The following CDH12 variants were observed in gnomAD, a reference collection of about 807,000 sequenced individuals.
CDH12 encodes cadherin 12.
CDH12 carries 41 observed loss-of-function variants against 74.1 expected under a neutral mutation model. That is an observed-to-expected ratio of 0.55 (90% CI 0.43 to 0.72). CDH12 has a LOEUF of 0.72. Ranked by LOEUF, CDH12 falls within the 30% of genes least tolerant of loss-of-function variation. CDH12 has a pLI of 0.00. For missense variants in CDH12, 945 were observed against 977.2 expected (o/e 0.97, Z 0.44); for synonymous variants, 399 against 355.0 (o/e 1.12, Z -1.39).
intron 3 of CDH12, among the ~76,000 whole-genome samples, chr5:22,332,825 G>A (rs748341565): frequency 6.6e-6 from 1 of 152,148 alleles, no homozygotes; most frequent in Non-Finnish European, 1.5e-5. Flanking sequence ...AATAGATGCT[G>A]GTGAGGATGT....
At position 22,575,840 on chromosome 5, in the gene CDH12, C is replaced by T. The variant is rs369103974; in HGVS notation, c.-522-70476G>A. Among the ~76,000 whole-genome samples, 160 of 152,122 alleles carry T rather than the reference C, an allele frequency of 1.1e-3. 2 individuals carry two copies. The South Asian group carries it at 0.031, about 29-fold the overall frequency. On this transcript the variant is annotated intron_variant, in intron 1 of 14. Transcript: ENST00000382254. ...TCAGCCTCCCAAAGTGCTGGGATTA[C>T]AGGCATGAGCCACTGCGCCTGGCCT...
chr5:22,187,047 A>T (rs1393183552), intron 4 of CDH12, among the ~76,000 whole-genome samples: 3 of 152,216 alleles, frequency 2.0e-5, no homozygotes, highest in African/African-American at 7.2e-5. Context: ...TTTATAAAAC[A>T]AAATAGATAT....
chr5:22,512,802 C>A (rs1351375683), intron 1 of CDH12, among the ~76,000 whole-genome samples: 3 of 152,176 alleles, frequency 2.0e-5, no homozygotes, highest in Admixed American at 2.0e-4. Context: ...GTGGCTCACA[C>A]CTGTATTCCC....
At chr5:21,923,331 G>T (rs185710502) in intron 6 of CDH12, among the ~76,000 whole-genome samples, 129 of 152,158 alleles carry the variant, frequency 8.5e-4, no homozygotes, top group African/African-American at 2.8e-3. Context: ...CCTGTCTCTC[G>T]TGTGTGGGTG....
intron 1 of CDH12, among the ~76,000 whole-genome samples, chr5:22,742,899 G>A (rs80252929): frequency 0.063 from 9,589 of 151,782 alleles, 344 homozygotes; most frequent in African/African-American, 0.093. Flanking sequence ...ATGTATTTCC[G>A]TGAAAGTGTT....
intron 6 of CDH12, among the ~76,000 whole-genome samples, chr5:21,880,227 T>A (rs1204575327): frequency 6.6e-6 from 1 of 152,234 alleles, no homozygotes; most frequent in Non-Finnish European, 1.5e-5. Context: ...TGAGTACCTA[T>A]GGCTCAAACA....
intron 3 of CDH12, among the ~76,000 whole-genome samples, chr5:22,307,790 C>G (rs1346069600): frequency 6.6e-6 from 1 of 150,730 alleles, no homozygotes; most frequent in Non-Finnish European, 1.5e-5. Flanking sequence ...TTTTGGCACT[C>G]AGTGTCCACT....
At chr5:21,941,834 T>A (rs1380403461) in intron 6 of CDH12, among the ~76,000 whole-genome samples, 1 of 151,978 alleles carries the variant, frequency 6.6e-6, no homozygotes, top group Admixed American at 6.6e-5. Flanking sequence ...TCTAGCTTCC[T>A]CATTTGGAAG....
intron 12 of CDH12, among the ~76,000 whole-genome samples, chr5:21,762,214 T>C (rs531077316): frequency 1.1e-4 from 16 of 152,250 alleles, no homozygotes; most frequent in African/African-American, 3.9e-4. Context: ...AGAAAAGTCC[T>C]TTAGAATAGC....
intron 3 of CDH12, among the ~76,000 whole-genome samples, chr5:22,281,929 CA>C (rs1736904528): frequency 6.6e-6 from 1 of 152,066 alleles, no homozygotes. Context: ...CAATCCTCAG[CA>C]AAAAGAACAA....
At chr5:22,021,357 G>T (rs979156870) in intron 5 of CDH12, among the ~76,000 whole-genome samples, 1 of 152,146 alleles carries the variant, frequency 6.6e-6, no homozygotes, top group Admixed American at 6.6e-5. Context: ...AGGGAAAGAA[G>T]AAAGGAGATA....
At chr5:22,160,379 A>G (rs1748272174) in intron 4 of CDH12, among the ~76,000 whole-genome samples, 1 of 152,134 alleles carries the variant, frequency 6.6e-6, no homozygotes, top group Non-Finnish European at 1.5e-5. Context: ...TTTCTTATTT[A>G]CTGCCCTTGG....
chr5:22,391,204 A>G (rs1322142947), intron 3 of CDH12, among the ~76,000 whole-genome samples: 5 of 152,186 alleles, frequency 3.3e-5, no homozygotes, highest in African/African-American at 1.2e-4. Context: ...AGGTTTTCAC[A>G]ATGAAGTGAC....
At chr5:21,918,694 C>G (rs1293849397) in intron 6 of CDH12, among the ~76,000 whole-genome samples, 1 of 152,112 alleles carries the variant, frequency 6.6e-6, no homozygotes, top group Non-Finnish European at 1.5e-5. Context: ...ATTACCTCCA[C>G]TTGGTCCCAC....
intron 6 of CDH12, among the ~76,000 whole-genome samples, chr5:21,914,722 T>C (rs1239237802): frequency 2.0e-5 from 3 of 152,174 alleles, no homozygotes; most frequent in Non-Finnish European, 4.4e-5. Flanking sequence ...ACCCACATTA[T>C]TGAAGAAAAT....
intron 2 of CDH12, among the ~76,000 whole-genome samples, chr5:22,466,584 A>C (rs1745737062): frequency 6.6e-6 from 1 of 151,928 alleles, no homozygotes; most frequent in Non-Finnish European, 1.5e-5. Flanking sequence ...AAAAGGAGAA[A>C]ACCACAGGCT....
At chr5:22,701,975 A>G (rs1470243711) in intron 1 of CDH12, among the ~76,000 whole-genome samples, 1 of 152,172 alleles carries the variant, frequency 6.6e-6, no homozygotes, top group East Asian at 1.9e-4. Context: ...GACATTTGAT[A>G]TAACAAAAAT....
chr5:22,528,299 G>A (rs957496200), intron 1 of CDH12, among the ~76,000 whole-genome samples: 19 of 152,128 alleles, frequency 1.2e-4, no homozygotes, highest in African/African-American at 4.6e-4. Context: ...TCCACTGGTG[G>A]TGGAGAGGTC....
chr5:22,653,065 A>G (rs1739823547), intron 1 of CDH12, among the ~76,000 whole-genome samples: 1 of 152,202 alleles, frequency 6.6e-6, no homozygotes, highest in Admixed American at 6.5e-5. Flanking sequence ...AATCAAAGAT[A>G]CCAGAAAGAG....
Sources: allele counts gnomAD v4.1 joint callset (sites outside exome capture counted in the v4.1 genomes callset), GRCh38; gene constraint gnomAD v4.1.1; transcripts MANE v1.5; gene names NCBI Gene and HGNC (gene_info 2026-07-23, HGNC 2026-07-21).